The following EYS variants were observed in gnomAD, a reference collection of about 807,000 sequenced individuals.
EYS encodes the protein protein eyes shut homolog.
Under a neutral mutation model 282.1 loss-of-function variants are expected in EYS, and 250 were observed. The ratio of observed to expected loss-of-function variants is 0.89; its 90% confidence interval spans 0.80 to 0.98. The LOEUF (loss-of-function observed/expected upper bound fraction) is 0.98. EYS is among the 50% of genes least tolerant of loss of function. EYS has a pLI of 0.00. For synonymous variants in EYS, 1,355 were observed against 1,282.9 expected, an observed-to-expected ratio of 1.06 and a Z score of -1.20; for missense variants, 4,016 against 3,709.0, an observed-to-expected ratio of 1.08 and a Z score of -2.15.
intron 28 of EYS, among the ~76,000 whole-genome samples, chr6:64,420,216 T>G (rs1243397794): frequency 6.6e-6 from 1 of 151,462 alleles, no homozygotes; most frequent in Non-Finnish European, 1.5e-5. Context: ...CAGCCAGAAC[T>G]GTACCATGTG....
intron 12 of EYS, among the ~76,000 whole-genome samples, chr6:65,244,650 C>T (rs1767135139): frequency 6.6e-6 from 1 of 151,202 alleles, no homozygotes; most frequent in South Asian, 2.1e-4. Context: ...GTGGCTGGGA[C>T]TACAGGCGCC....
chr6:65,024,223 C>T (rs1487927727), intron 13 of EYS, among the ~76,000 whole-genome samples: 1 of 152,004 alleles, frequency 6.6e-6, no homozygotes, highest in Non-Finnish European at 1.5e-5. Flanking sequence ...CTTTTATTCA[C>T]GAAGGAGGCC....
intron 22 of EYS, among the ~76,000 whole-genome samples, chr6:64,657,455 G>A (rs906768460): frequency 6.6e-6 from 1 of 152,144 alleles, no homozygotes; most frequent in African/African-American, 2.4e-5. Context: ...AGCATTGATG[G>A]TCTTTACAAT....
intron 39 of EYS, chr6:63,786,099 T>A (rs967741665): frequency 1.4e-4 from 21 of 150,354 alleles, no homozygotes. Context: ...GTGGCTCAGC[T>A]ACATGAGAGG....
chr6:64,816,020 G>A (rs1156508890), intron 21 of EYS, among the ~76,000 whole-genome samples: 3 of 152,056 alleles, frequency 2.0e-5, no homozygotes, highest in African/African-American at 7.2e-5. Flanking sequence ...GCCTAGAAAA[G>A]GAAATTACCC....
At chr6:64,120,200 C>T (rs1773531815) in intron 31 of EYS, among the ~76,000 whole-genome samples, 1 of 147,844 alleles carries the variant, frequency 6.8e-6, no homozygotes, top group African/African-American at 2.5e-5. Flanking sequence ...AAAAAAATTA[C>T]AAAAAATTAG....
chr6:65,086,777 T>C (rs1039926656), intron 12 of EYS, among the ~76,000 whole-genome samples: 14 of 152,084 alleles, frequency 9.2e-5, no homozygotes, highest in African/African-American at 3.4e-4. Context: ...AATACAGATA[T>C]ATATGTGTGT....
chr6:64,427,033 A>G (rs1774434526), intron 28 of EYS, among the ~76,000 whole-genome samples: 1 of 152,186 alleles, frequency 6.6e-6, no homozygotes, highest in African/African-American at 2.4e-5. Context: ...TTGGCTATCA[A>G]GTGAAAAATA....
chr6:64,281,683 G>A (rs967507035), intron 30 of EYS, among the ~76,000 whole-genome samples: 1 of 152,058 alleles, frequency 6.6e-6, no homozygotes, highest in Non-Finnish European at 1.5e-5. Flanking sequence ...TTAGGGTAAT[G>A]TCTGGTCATT....
chr6:64,094,920 G>T lies in EYS; in HGVS notation c.6425-12918C>A, dbSNP rs141797443. ...CTATAAATTTCCCTCTACACACTGCGTTGAATGTGTCCCAGAGATTCTGGT... is the reference window on the plus strand; with the variant it reads ...CTATAAATTTCCCTCTACACACTGCTTTGAATGTGTCCCAGAGATTCTGGT... On this transcript the variant is annotated intron_variant, in intron 31 of 42. Coordinates refer to ENST00000503581, the MANE Select transcript of EYS (RefSeq NM_001142800.2). Among the ~76,000 whole-genome samples the T allele has an allele frequency of 6.3e-3, 957 of 151,896 alleles. 9 individuals carry two copies. The highest frequency in any genetic ancestry group is 0.02 in the African/African-American group (819 of 41,398).
intron 12 of EYS, among the ~76,000 whole-genome samples, chr6:65,091,199 C>T (rs560521429): frequency 2.3e-4 from 34 of 148,120 alleles, no homozygotes; most frequent in African/African-American, 7.7e-4. Flanking sequence ...TTTGGGAGGC[C>T]GAGGTGGGTG....
intron 15 of EYS, among the ~76,000 whole-genome samples, chr6:64,925,484 C>A (rs1446033241): frequency 6.6e-6 from 1 of 152,058 alleles, no homozygotes; most frequent in Non-Finnish European, 1.5e-5. Flanking sequence ...TCAGCAGGCC[C>A]AAGGCCTCCT....
At position 65,517,005 on chromosome 6, in the gene EYS, A is replaced by T. The variant is rs143158814; in HGVS notation, c.-332-21012T>A. ...AAATGATAATAAAAATACTATGTGG[A>T]TAATAGCTCTATTATTTATAGTGCT... On this transcript the variant is annotated intron_variant, in intron 2 of 42. Coordinates refer to ENST00000503581, the MANE Select transcript of EYS (RefSeq NM_001142800.2). Among the ~76,000 whole-genome samples the T allele has an allele frequency of 8.3e-4, 127 of 152,104 alleles. 1 individual carries two copies. The highest frequency in any genetic ancestry group is 2.7e-3 in the African/African-American group (112 of 41,554).
chr6:64,531,231 C>A (rs181608367), intron 26 of EYS, among the ~76,000 whole-genome samples: 12 of 152,134 alleles, frequency 7.9e-5, no homozygotes, highest in Admixed American at 2.0e-4. Flanking sequence ...ACCATTACTC[C>A]CTCCTAAGAA....
intron 28 of EYS, among the ~76,000 whole-genome samples, chr6:64,409,140 G>A (rs1773808412): frequency 6.6e-6 from 1 of 152,074 alleles, no homozygotes; most frequent in Non-Finnish European, 1.5e-5. Flanking sequence ...TCCCTTTTAT[G>A]GCTGCATAGT....
At chr6:64,567,068 C>A (rs1314006446) in intron 26 of EYS, among the ~76,000 whole-genome samples, 2 of 152,134 alleles carry the variant, frequency 1.3e-5, no homozygotes, top group Non-Finnish European at 2.9e-5. Context: ...AGCCACTCCA[C>A]CCGGCCTTAA....
At chr6:64,439,492 C>A (rs953319511) in intron 26 of EYS, 140 bp from the exon 27 acceptor site, 2 of 500,980 alleles carry the variant, frequency 4.0e-6, no homozygotes, top group East Asian at 7.2e-5. Flanking sequence ...GCACTTCTTT[C>A]CTTTGGAATA....
chr6:63,798,987 G>GTGTA (rs1247104267), intron 37 of EYS, among the ~76,000 whole-genome samples: 5 of 85,792 alleles, frequency 5.8e-5, no homozygotes, highest in East Asian at 3.5e-4. Context: ...GTATATGTGT[G>GTGTA]TATATATATA....
chr6:63,783,963 C>T (rs1478727613), intron 39 of EYS, among the ~76,000 whole-genome samples: 6 of 152,020 alleles, frequency 3.9e-5, no homozygotes. Flanking sequence ...TGTGGGTGGG[C>T]CTCATTCAAT....
Sources: gnomAD v4.1 joint callset for allele counts (sites outside exome capture counted in the v4.1 genomes callset) on GRCh38, gnomAD v4.1.1 for gene constraint, MANE v1.5 for transcripts, NCBI Gene and HGNC (gene_info 2026-07-23, HGNC 2026-07-21) for gene names.